POU6F2: variants seen among roughly 807,000 people sequenced by gnomAD.
POU6F2 encodes POU domain, class 6, transcription factor 2.
In POU6F2, 31 loss-of-function variants were observed where a neutral mutation model predicts 71.3. The observed-to-expected ratio is 0.43, with a 90% CI of 0.33 to 0.59. The LOEUF is 0.59. Among genes scored for constraint, POU6F2 ranks in the 20% least tolerant of loss-of-function variants. POU6F2 has a pLI of 0.04. For missense variants in POU6F2, 783 were observed against 856.8 expected (o/e 0.91, Z 1.07); for synonymous variants, 347 against 355.7 (o/e 0.98, Z 0.27).
rs57579748 is a variant in POU6F2 at position 39,416,093 on chromosome 7, T to TACACACACACACAC, written c.1113+9386_1113+9399dup. Among the ~76,000 whole-genome samples the TACACACACACACAC allele has an allele frequency of 3.2e-3, 447 of 139,294 alleles. 3 individuals are homozygous for TACACACACACACAC. Among genetic ancestry groups the TACACACACACACAC allele is most frequent in the Non-Finnish European group, 4.7e-3 (304 of 64,562 alleles). 91.4% of individuals were successfully genotyped at this position (139,294 alleles called of 152,430 possible). On this transcript the variant is annotated intron_variant, in intron 6 of 9. Coordinates refer to ENST00000518318, the MANE Select transcript of POU6F2 (RefSeq NM_001370959.1). ...ACCTCACAGATTTCTCTCGAAGGCA[T>TACACACACACACAC]ACACACACACACACACACACACACA... is the stretch of plus-strand genomic sequence containing the variant.
At chr7:39,269,167 G>C (rs974509588) in intron 4 of POU6F2, among the ~76,000 whole-genome samples, 3 of 152,168 alleles carry the variant, frequency 2.0e-5, no homozygotes, top group Non-Finnish European at 4.4e-5. Context: ...GTAAGGGAGT[G>C]TTATGAAGTA....
intron 2 of POU6F2, among the ~76,000 whole-genome samples, chr7:39,175,873 C>T (rs1300253379): frequency 6.6e-6 from 1 of 152,158 alleles, no homozygotes; most frequent in African/African-American, 2.4e-5. Context: ...CTCCACCCAT[C>T]CCTTCAGCAC....
At chr7:39,357,059 G>T (rs139308943) in intron 5 of POU6F2, among the ~76,000 whole-genome samples, 1 of 152,134 alleles carries the variant, frequency 6.6e-6, no homozygotes, top group Non-Finnish European at 1.5e-5. Context: ...ATACTTTATA[G>T]ATCTGATTGA....
intron 4 of POU6F2, among the ~76,000 whole-genome samples, chr7:39,266,315 C>A (rs1431148573): frequency 6.6e-6 from 1 of 152,310 alleles, no homozygotes; most frequent in South Asian, 2.1e-4. Context: ...AAGAAGGGTT[C>A]AGGGTCAACA....
rs562968440 is a variant in POU6F2 at position 39,204,418 on chromosome 7, T to C, written c.369+92T>C. 6.5e-6 allele frequency: 7 copies of C among 1,078,640 alleles called. 1 individual carries two copies. In the South Asian group the frequency reaches 7.1e-5, roughly 11 times the overall value. 66.8% of individuals were successfully genotyped at this position (1,078,640 alleles called of 1,614,324 possible). A position where few individuals can be genotyped will look rare whatever the true frequency, so the allele number is the denominator to read the frequency against. On this transcript the variant is annotated intron_variant, in intron 3 of 9. Coordinates refer to ENST00000518318, the MANE Select transcript of POU6F2 (RefSeq NM_001370959.1). ...ATAAATAATAATGAGTTAAATCCAA[T>C]TGACTCCAACAGAGCAAAGATGGTA...
At chr7:39,195,021 T>C (rs1793756278) in intron 2 of POU6F2, among the ~76,000 whole-genome samples, 4 of 152,068 alleles carry the variant, frequency 2.6e-5, no homozygotes. Flanking sequence ...GGGTCCGCGG[T>C]TTCATTCTTG....
chr7:39,212,670 C>T (rs746358187), intron 4 of POU6F2, among the ~76,000 whole-genome samples: 24 of 152,080 alleles, frequency 1.6e-4, no homozygotes, highest in African/African-American at 4.6e-4. Flanking sequence ...TGAAATAAGA[C>T]GAATAATAGC....
intron 2 of POU6F2, among the ~76,000 whole-genome samples, chr7:39,119,259 C>T (rs1029967541): frequency 4.6e-5 from 7 of 152,072 alleles, no homozygotes; most frequent in African/African-American, 1.4e-4. Flanking sequence ...TGTTCAACAA[C>T]GTTGAGGGCA....
chr7:39,081,090 C>T (rs950219076), intron 1 of POU6F2, among the ~76,000 whole-genome samples: 1 of 152,010 alleles, frequency 6.6e-6, no homozygotes, highest in African/African-American at 2.4e-5. Flanking sequence ...CAGAAGTTAG[C>T]ATATAATGAC....
intron 6 of POU6F2, among the ~76,000 whole-genome samples, chr7:39,428,003 GA>G (rs1020719068): frequency 6.8e-4 from 104 of 152,320 alleles, no homozygotes; most frequent in African/African-American, 2.3e-3. Flanking sequence ...CAACTAGACT[GA>G]GGCACTTGAG....
rs1199932505 is a variant in POU6F2 at position 39,235,192 on chromosome 7, A to T, written c.598+27572A>T. ...GTAACTACCTGCTGCTCACATGCTC[A>T]TCTTCTTAGTAGCCTGCCTTTGCCT... On this transcript the variant is annotated intron_variant, in intron 4 of 9. Transcript: ENST00000518318. Among the ~76,000 whole-genome samples the T allele has an allele frequency of 2.6e-5, 4 of 152,112 alleles. No homozygotes were observed. In the East Asian group the frequency reaches 7.7e-4, roughly 29 times the overall value.
chr7:39,378,898 C>T (rs1786765955), intron 5 of POU6F2, among the ~76,000 whole-genome samples: 2 of 152,172 alleles, frequency 1.3e-5, no homozygotes, highest in Non-Finnish European at 2.9e-5. Context: ...TTGATGCTCA[C>T]GTTATAACTG....
intron 2 of POU6F2, among the ~76,000 whole-genome samples, chr7:39,180,561 A>G (rs1200879166): frequency 1.3e-5 from 2 of 151,982 alleles, no homozygotes. Context: ...TTCATTCCAA[A>G]ATTGTATGGG....
intron 2 of POU6F2, among the ~76,000 whole-genome samples, chr7:39,201,349 C>G (rs547283349): frequency 1.3e-5 from 2 of 152,146 alleles, no homozygotes; most frequent in African/African-American, 4.8e-5. Flanking sequence ...AAATTGGAAT[C>G]GAGGTGGAAT....
At chr7:39,376,341 GC>G (rs2115774025) in intron 5 of POU6F2, among the ~76,000 whole-genome samples, 1 of 152,278 alleles carries the variant, frequency 6.6e-6, no homozygotes, top group Admixed American at 6.5e-5. Flanking sequence ...TTTCTGGTCT[GC>G]TAAAATTAAG....
chr7:39,005,618 GTTT>G (rs1789044062), intron 1 of POU6F2, among the ~76,000 whole-genome samples: 1 of 42,108 alleles, frequency 2.4e-5, no homozygotes, highest in South Asian at 1.4e-3. Context: ...CGTCAAAGAG[GTTT>G]TTGTTTTAGT....
At chr7:39,187,055 G>T (rs144521767) in intron 2 of POU6F2, among the ~76,000 whole-genome samples, 1 of 152,350 alleles carries the variant, frequency 6.6e-6, no homozygotes, top group Non-Finnish European at 1.5e-5. Flanking sequence ...TACATTTATT[G>T]TGTGTTTACT....
At chr7:39,157,306 A>T (rs1470810262) in intron 2 of POU6F2, among the ~76,000 whole-genome samples, 1 of 152,208 alleles carries the variant, frequency 6.6e-6, no homozygotes, top group Admixed American at 6.5e-5. Flanking sequence ...TCCACCATAC[A>T]CAATTAGGGA....
At chr7:39,357,536 A>G (rs1009589684) in intron 5 of POU6F2, among the ~76,000 whole-genome samples, 7 of 152,162 alleles carry the variant, frequency 4.6e-5, no homozygotes, top group Admixed American at 2.0e-4. Context: ...CAAGTCTACC[A>G]TCCAGGTAAT....
Sources: gnomAD v4.1 joint callset for allele counts (sites outside exome capture counted in the v4.1 genomes callset) on GRCh38, gnomAD v4.1.1 for gene constraint, MANE v1.5 for transcripts, NCBI Gene and HGNC (gene_info 2026-07-23, HGNC 2026-07-21) for gene names.